CEP85L: variants seen among roughly 807,000 people sequenced by gnomAD.
CEP85L encodes the protein centrosomal protein 85L, also known as centrosomal protein of 85 kDa-like.
CEP85L carries 60 observed loss-of-function variants against 100.3 expected under a neutral mutation model. The observed-to-expected ratio is 0.60, with a 90% confidence interval of 0.49 to 0.74. The LOEUF (loss-of-function observed/expected upper bound fraction) is 0.74. Among genes scored for constraint, CEP85L ranks in the 30% least tolerant of loss-of-function variants. The probability of loss-of-function intolerance (pLI) is 0.00; values close to 1 mark genes in which losing one functional copy is unlikely to be tolerated. For synonymous variants in CEP85L, 319 were observed against 322.7 expected, an observed-to-expected ratio of 0.99 and a Z score of 0.12; for missense variants, 973 against 936.2, an observed-to-expected ratio of 1.04 and a Z score of -0.51.
Position 118,460,873 on chromosome 6 carries a change from C to G in CEP85L, c.*4532G>C, listed in dbSNP as rs1449280456. 6.6e-6 allele frequency: 1 copy of G among 152,056 alleles called. No individual in the cohort carries two copies. The highest frequency in any genetic ancestry group is 1.9e-4 in the East Asian group (1 of 5,188). 9.4% of individuals were successfully genotyped at this position (152,056 alleles called of 1,614,324 possible). A position where few individuals can be genotyped will look rare whatever the true frequency, so the allele number is the denominator to read the frequency against. On this transcript the variant is annotated 3_prime_UTR_variant, in exon 13 of 13. Transcript: ENST00000368491. ...AGCCATTAACATTGAAAACTTTTTTCTTAATTTAATAAATAGAACTTTGGC... is the reference window on the plus strand; with the variant it reads ...AGCCATTAACATTGAAAACTTTTTTGTTAATTTAATAAATAGAACTTTGGC...
intron 6 of CEP85L, among the ~76,000 whole-genome samples, chr6:118,489,968 CGTGT>C (rs1329717623): frequency 6.6e-5 from 10 of 150,606 alleles, no homozygotes; most frequent in East Asian, 5.9e-4. Flanking sequence ...CACACACATA[CGTGT>C]GTGTATATAT....
At chr6:118,695,265 G>A (rs1364969886) in intron 1 of CEP85L, among the ~76,000 whole-genome samples, 2 of 152,178 alleles carry the variant, frequency 1.3e-5, no homozygotes, top group Admixed American at 6.5e-5. Context: ...ACCTCTAAAC[G>A]AGCAAGGTTC....
chr6:118,613,144 G>C (rs1772764436), intron 2 of CEP85L, among the ~76,000 whole-genome samples: 1 of 152,092 alleles, frequency 6.6e-6, no homozygotes, highest in South Asian at 2.1e-4. Flanking sequence ...CCGGCGGGCA[G>C]AGGTTGCAGT....
intron 1 of CEP85L, among the ~76,000 whole-genome samples, chr6:118,686,325 G>T (rs1047531308): frequency 1.3e-5 from 2 of 151,952 alleles, no homozygotes; most frequent in Non-Finnish European, 2.9e-5. Context: ...ACCAGTTTTA[G>T]AACATTTCTC....
At chr6:118,493,607 A>G (rs1343201735) in intron 5 of CEP85L, among the ~76,000 whole-genome samples, 1 of 152,230 alleles carries the variant, frequency 6.6e-6, no homozygotes, top group Non-Finnish European at 1.5e-5. Context: ...AGAAACTGGA[A>G]GCAGGGTGAA....
intron 2 of CEP85L, among the ~76,000 whole-genome samples, chr6:118,587,827 AT>A (rs1161992587): frequency 6.6e-6 from 1 of 152,206 alleles, no homozygotes; most frequent in Non-Finnish European, 1.5e-5. Flanking sequence ...GACATCGTAA[AT>A]GACTACCCTA....
intron 1 of CEP85L, 46 bp from the exon 2 acceptor site, chr6:118,632,657 C>T: frequency 6.6e-7 from 1 of 1,507,486 alleles, no homozygotes; most frequent in Non-Finnish European, 8.9e-7. Context: ...TCTGAGTAGG[C>T]AGAAGATTTT....
chr6:118,539,746 C>T (rs974111205), intron 3 of CEP85L, among the ~76,000 whole-genome samples: 1 of 151,934 alleles, frequency 6.6e-6, no homozygotes, highest in African/African-American at 2.4e-5. Flanking sequence ...ATGATGCTCT[C>T]CCTCCCCCCA....
At chr6:118,576,218 G>C (rs1419989308) in intron 2 of CEP85L, among the ~76,000 whole-genome samples, 2 of 152,130 alleles carry the variant, frequency 1.3e-5, no homozygotes, top group Non-Finnish European at 2.9e-5. Flanking sequence ...CCCTCAAAAA[G>C]ACCTTAGCCT....
chr6:118,510,780 T>C (rs1775920428), intron 5 of CEP85L, among the ~76,000 whole-genome samples: 1 of 152,110 alleles, frequency 6.6e-6, no homozygotes. Flanking sequence ...TACAGCATCA[T>C]TTACAATAAC....
rs923927823 is a variant in CEP85L, at chr6:118,531,845, GA to G, written c.1021-7926del. 4.0e-5 allele frequency among the ~76,000 whole-genome samples: 6 copies of G among 150,656 alleles called. No individual in the cohort carries two copies. In the East Asian group the frequency reaches 5.9e-4, roughly 15 times the overall value. On this transcript the variant is annotated intron_variant, in intron 3 of 12. Coordinates refer to ENST00000368491, the MANE Select transcript of CEP85L (RefSeq NM_001042475.3). ...CAGTCAGAATGGTTATTACTAAAAA[GA>G]AAAAAAAATCAGAGGTTGGCGAGGT...
chr6:118,523,101 C>A (rs1776758977), intron 4 of CEP85L, among the ~76,000 whole-genome samples: 1 of 152,080 alleles, frequency 6.6e-6, no homozygotes, highest in South Asian at 2.1e-4. Context: ...ATTACGAGCA[C>A]TGGTTAAGAA....
At chr6:118,684,903 C>T (rs1325182678) in intron 1 of CEP85L, among the ~76,000 whole-genome samples, 1 of 152,216 alleles carries the variant, frequency 6.6e-6, no homozygotes, top group Non-Finnish European at 1.5e-5. Flanking sequence ...CCTCCCACCT[C>T]GGCCTCCCAA....
Position 118,651,291 on chromosome 6 carries a change from G to T in CEP85L, c.-22C>A. ...ACATCGCGGGCGAGAGGGCCGGGTG[G>T]GCCAGGGACGCCCGACTCCTCACGT... On this transcript the variant is annotated 5_prime_UTR_variant, in exon 1 of 13. Coordinates refer to ENST00000368491, the MANE Select transcript of CEP85L (RefSeq NM_001042475.3). 1 of 1,470,592 alleles carries T rather than the reference G, an allele frequency of 6.8e-7. No individual in the cohort carries two copies. The highest frequency in any genetic ancestry group is 1.5e-5 in the African/African-American group (1 of 68,192). The allele number at this position is 1,470,592 out of a possible 1,614,324, so 91.1% of individuals were successfully genotyped here. A position where few individuals can be genotyped will look rare whatever the true frequency, so the allele number is the denominator to read the frequency against.
At chr6:118,550,233 G>A (rs1778462685) in intron 3 of CEP85L, among the ~76,000 whole-genome samples, 1 of 151,886 alleles carries the variant, frequency 6.6e-6, no homozygotes, top group South Asian at 2.1e-4. Flanking sequence ...AAAGGAAAAT[G>A]ATCACATTTG....
At chr6:118,495,857 G>A (rs1341502095) in intron 5 of CEP85L, among the ~76,000 whole-genome samples, 1 of 152,200 alleles carries the variant, frequency 6.6e-6, no homozygotes, top group African/African-American at 2.4e-5. Flanking sequence ...AGTCACTGTG[G>A]TATGCAATCC....
chr6:118,489,663 T>G (rs944255612), intron 6 of CEP85L, among the ~76,000 whole-genome samples: 3 of 152,034 alleles, frequency 2.0e-5, no homozygotes, highest in African/African-American at 7.2e-5. Flanking sequence ...GGCAAGGATG[T>G]GGAGAAAGGG....
intron 2 of CEP85L, among the ~76,000 whole-genome samples, chr6:118,596,988 C>G (rs1351151143): frequency 6.6e-6 from 1 of 152,158 alleles, no homozygotes; most frequent in Non-Finnish European, 1.5e-5. Context: ...ATGGGGGCGG[C>G]TGCCCCATGC....
intron 1 of CEP85L, among the ~76,000 whole-genome samples, chr6:118,679,225 C>T (rs1221746567): frequency 6.6e-6 from 1 of 152,148 alleles, no homozygotes; most frequent in Non-Finnish European, 1.5e-5. Flanking sequence ...TTTTAATTTA[C>T]ATGTCTGATT....
Sources: allele counts gnomAD v4.1 joint callset (sites outside exome capture counted in the v4.1 genomes callset), GRCh38; gene constraint gnomAD v4.1.1; transcripts MANE v1.5; gene names NCBI Gene and HGNC (gene_info 2026-07-23, HGNC 2026-07-21).